Variants in FGGY observed in about 807,000 individuals in gnomAD.
FGGY encodes the protein FGGY carbohydrate kinase domain-containing protein.
FGGY carries 72 observed loss-of-function variants against 71.3 expected under a neutral mutation model. The observed-to-expected ratio is 1.01, with a 90% CI of 0.84 to 1.23. FGGY has a LOEUF of 1.23. Among genes scored for constraint, FGGY ranks in the 50% most tolerant of loss-of-function variants. The probability of loss-of-function intolerance (pLI) is 0.00; values close to 1 mark genes in which losing one functional copy is unlikely to be tolerated. For missense variants in FGGY, 668 were observed against 682.3 expected (o/e 0.98, Z 0.23); for synonymous variants, 251 against 250.3 (o/e 1.00, Z -0.02).
chr1:59,637,533 C>T (rs986828622), intron 10 of FGGY, among the ~76,000 whole-genome samples: 4 of 151,802 alleles, frequency 2.6e-5, no homozygotes, highest in African/African-American at 7.3e-5. Flanking sequence ...ATCTGGGAGG[C>T]GGAGGTTGTA....
intron 6 of FGGY, among the ~76,000 whole-genome samples, chr1:59,498,607 A>G (rs2094123050): frequency 6.6e-6 from 1 of 152,146 alleles, no homozygotes. Context: ...TTTCTGCTTC[A>G]GTAGGTCTAG....
At chr1:59,485,854 C>G (rs2153576041) in intron 6 of FGGY, among the ~76,000 whole-genome samples, 1 of 152,244 alleles carries the variant, frequency 6.6e-6, no homozygotes, top group Middle Eastern at 3.4e-3. Flanking sequence ...GGTTAAATAA[C>G]TTGCCCAAGA....
At position 59,419,517 on chromosome 1, in the gene FGGY, C is replaced by G. The variant is rs576035358; in HGVS notation, c.555-37444C>G. On this transcript the variant is annotated intron_variant, in intron 5 of 15. Coordinates refer to ENST00000303721, the MANE Select transcript of FGGY (RefSeq NM_018291.5). ...ATCCCAGGGGAATCACCCTGGAAACCTAGAGAACTGGTTCCAAGTATTCAT... is the reference window on the plus strand; with the variant it reads ...ATCCCAGGGGAATCACCCTGGAAACGTAGAGAACTGGTTCCAAGTATTCAT... Among the ~76,000 whole-genome samples the G allele has an allele frequency of 1.9e-4, 29 of 152,204 alleles. No homozygotes were observed. The South Asian group carries it at 5.8e-3, about 30-fold the overall frequency.
intron 13 of FGGY, among the ~76,000 whole-genome samples, chr1:59,670,394 C>T (rs768255442): frequency 6.6e-6 from 1 of 152,188 alleles, no homozygotes; most frequent in Admixed American, 6.5e-5. Flanking sequence ...AGACCTGGAA[C>T]ATGATTCTCA....
At chr1:59,461,888 C>T (rs927071882) in intron 6 of FGGY, among the ~76,000 whole-genome samples, 1 of 151,668 alleles carries the variant, frequency 6.6e-6, no homozygotes, top group Non-Finnish European at 1.5e-5. Context: ...AGGTTAGTTA[C>T]ATATGTATAC....
intron 6 of FGGY, among the ~76,000 whole-genome samples, chr1:59,498,979 C>T (rs1258785438): frequency 6.6e-6 from 1 of 152,198 alleles, no homozygotes; most frequent in Non-Finnish European, 1.5e-5. Flanking sequence ...TCTGCTTTTG[C>T]ACTGTAGTAG....
chr1:59,537,869 C>T (rs1333850871), intron 7 of FGGY, among the ~76,000 whole-genome samples: 10 of 152,104 alleles, frequency 6.6e-5, no homozygotes, highest in East Asian at 3.9e-4. Flanking sequence ...AAGACTTAAA[C>T]GTTAGACCTA....
chr1:59,624,734 G>C (rs2096841056), intron 9 of FGGY, among the ~76,000 whole-genome samples: 1 of 152,094 alleles, frequency 6.6e-6, no homozygotes, highest in Admixed American at 6.5e-5. Context: ...AATCTCATGA[G>C]ACTTATTCAC....
In FGGY at chr1:59,428,630, A is replaced by C. The variant is rs557667395; in HGVS notation, c.555-28331A>C. On this transcript the variant is annotated intron_variant, in intron 5 of 15. Transcript: ENST00000303721. ...TTGTCTAACTCTGTCAGTCTCAGTT[A>C]TCTTATTTGAGAAATGGGGCTATAG... 3.9e-5 allele frequency among the ~76,000 whole-genome samples: 6 copies of C among 152,322 alleles called. No homozygotes were observed. The South Asian group carries it at 1.2e-3, about 32-fold the overall frequency.
At position 59,355,269 on chromosome 1, in the gene FGGY, T is replaced by C. The variant is rs577767365; in HGVS notation, c.465+8871T>C. ...AGTTTTAGGGTACATGTGCACAACG[T>C]GCAGGTTTGTTACATACTGTAATGT... On this transcript the variant is annotated intron_variant, in intron 4 of 15. Transcript: ENST00000303721. Among the ~76,000 whole-genome samples the C allele has an allele frequency of 2.0e-5, 3 of 152,332 alleles. No homozygotes were observed. In the South Asian group the frequency reaches 6.2e-4, roughly 32 times the overall value.
intron 4 of FGGY, among the ~76,000 whole-genome samples, chr1:59,371,282 A>C (rs2057578778): frequency 6.6e-6 from 1 of 152,148 alleles, no homozygotes; most frequent in Non-Finnish European, 1.5e-5. Context: ...ACAGACTTTA[A>C]ACCAACAAAG....
chr1:59,756,577 C>G (rs2098293796), intron 14 of FGGY, among the ~76,000 whole-genome samples: 1 of 152,320 alleles, frequency 6.6e-6, no homozygotes, highest in African/African-American at 2.4e-5. Context: ...ATGCAATCTT[C>G]CTCTCTGTAT....
At chr1:59,491,045 T>TC (rs1164058372) in intron 6 of FGGY, among the ~76,000 whole-genome samples, 164 of 1,700 alleles carry the variant, frequency 0.096, 14 homozygotes, top group Non-Finnish European at 0.14. Flanking sequence ...TTTCCTTCCT[T>TC]CCTTCCTTCC....
At chr1:59,447,422 CA>C (rs2071540558) in intron 5 of FGGY, among the ~76,000 whole-genome samples, 2 of 152,140 alleles carry the variant, frequency 1.3e-5, no homozygotes, top group Non-Finnish European at 2.9e-5. Context: ...GGCTGGCCTG[CA>C]AAAAAGCAGA....
At chr1:59,678,667 A>G (rs1006402948) in intron 14 of FGGY, among the ~76,000 whole-genome samples, 14 of 152,136 alleles carry the variant, frequency 9.2e-5, no homozygotes, top group Admixed American at 2.6e-4. Flanking sequence ...GCTTTCTGTA[A>G]TTTCTTATCT....
intron 13 of FGGY, among the ~76,000 whole-genome samples, chr1:59,668,725 G>A (rs994801856): frequency 5.9e-5 from 9 of 152,134 alleles, no homozygotes; most frequent in Non-Finnish European, 1.2e-4. Context: ...GCTCACGCCT[G>A]TGATCCCCAC....
At chr1:59,311,109 C>T (rs2044237757) in intron 1 of FGGY, among the ~76,000 whole-genome samples, 1 of 152,090 alleles carries the variant, frequency 6.6e-6, no homozygotes, top group African/African-American at 2.4e-5. Flanking sequence ...TCTGAAAAGG[C>T]TTCACAGGAT....
intron 14 of FGGY, among the ~76,000 whole-genome samples, chr1:59,719,002 T>C (rs2097864835): frequency 6.6e-6 from 1 of 152,162 alleles, no homozygotes; most frequent in East Asian, 1.9e-4. Flanking sequence ...ATACCTCTTT[T>C]GTTCAAGGTC....
intron 6 of FGGY, among the ~76,000 whole-genome samples, chr1:59,484,520 A>C (rs72915635): frequency 0.019 from 2,855 of 152,252 alleles, 100 homozygotes; most frequent in African/African-American, 0.066. Context: ...TGTTTATTTG[A>C]AAGGGACTTT....
Sources: allele counts gnomAD v4.1 joint callset (sites outside exome capture counted in the v4.1 genomes callset), GRCh38; gene constraint gnomAD v4.1.1; transcripts MANE v1.5; gene names NCBI Gene and HGNC (gene_info 2026-07-23, HGNC 2026-07-21).